Variants in METTL13 observed in about 807,000 individuals in gnomAD.
The protein encoded by METTL13 is methyltransferase 13, eEF1A N-terminus and K55, also known as eEF1A lysine and N-terminal methyltransferase.
A neutral mutation model predicts 67.4 loss-of-function variants in METTL13; 52 were observed. The ratio of observed to expected loss-of-function variants is 0.77; its 90% confidence interval spans 0.62 to 0.97. The LOEUF (loss-of-function observed/expected upper bound fraction) is 0.97, where lower values mean the gene tolerates loss of function less well. Among genes scored for constraint, METTL13 ranks in the 50% least tolerant of loss-of-function variants. The probability of loss-of-function intolerance (pLI) is 0.00; values close to 1 mark genes in which losing one functional copy is unlikely to be tolerated. For synonymous variants in METTL13, 354 were observed against 353.6 expected (o/e 1.00, Z -0.01); for missense variants, 825 against 889.6 (o/e 0.93, Z 0.92).
chr1:171,792,850 G>A (rs1011946973), intron 6 of METTL13, among the ~76,000 whole-genome samples: 1 of 152,156 alleles, frequency 6.6e-6, no homozygotes, highest in Non-Finnish European at 1.5e-5. Context: ...CAGTGCTCAG[G>A]TGGAGAAACC....
rs1418183689 is a variant in METTL13 at position 171,781,726 on chromosome 1, A to T, written c.-242A>T. 3 of 1,283,402 alleles carry T rather than the reference A, an allele frequency of 2.3e-6. No homozygotes were observed. Among genetic ancestry groups the T allele is most frequent in the Non-Finnish European group, 3.0e-6 (3 of 998,562 alleles). The allele number at this position is 1,283,402 out of a possible 1,614,324, so 79.5% of individuals were successfully genotyped here. ...AGTGTGAGGGGCTCTTCACGTGGGG[A>T]AGGAACAGCAGGCGCGGAGGAGGGG... On this transcript the variant is annotated 5_prime_UTR_variant, in exon 1 of 8. Coordinates refer to ENST00000361735, the MANE Select transcript of METTL13 (RefSeq NM_015935.5).
Position 171,783,964 on chromosome 1 carries a change from T to G in METTL13, c.378T>G (p.Ala126=). The G allele has an allele frequency of 6.2e-7, 1 of 1,614,262 alleles. No homozygotes were observed. Among genetic ancestry groups the G allele is most frequent in the Non-Finnish European group, 8.5e-7 (1 of 1,180,048 alleles). Residue 126 remains alanine (A), a synonymous_variant, in exon 2 of 8, where the codon GCT becomes GCG. Transcript: ENST00000361735. The stretch of plus-strand genomic sequence containing the variant: ...TGTTGGACAAGGGCACCCTGGATGC[T>G]GTCCTGACAGATGAGGAAGAGAAGA... ...QVVLDKGTLD[A]VLTDEEEKTL...
At chr1:171,794,636 T>G in intron 7 of METTL13, 109 bp downstream of exon 7, 2 of 1,469,718 alleles carry the variant, frequency 1.4e-6, no homozygotes, top group East Asian at 4.8e-5. Flanking sequence ...TTTTCCAAAT[T>G]TAATACACCC....
At chr1:171,785,820 T>C in intron 2 of METTL13, 59 bp from the exon 3 acceptor site, 1 of 1,566,650 alleles carries the variant, frequency 6.4e-7, no homozygotes, top group South Asian at 1.1e-5. Context: ...GTTTGGGCCA[T>C]ATTGGTTGTG....
chr1:171,796,141 A>G (rs978755560), intron 7 of METTL13, among the ~76,000 whole-genome samples: 4 of 152,222 alleles, frequency 2.6e-5, no homozygotes, highest in African/African-American at 9.6e-5. Flanking sequence ...TGATGGGATC[A>G]TAGACATGAG....
At chr1:171,788,373 T>C (rs1353520473) in intron 4 of METTL13, among the ~76,000 whole-genome samples, 1 of 152,240 alleles carries the variant, frequency 6.6e-6, no homozygotes, top group African/African-American at 2.4e-5. Context: ...CTGCCTGTGA[T>C]GAAGGAGATG....
intron 1 of METTL13, 92 bp from the exon 2 acceptor site, chr1:171,783,648 C>G: frequency 1.4e-6 from 2 of 1,450,884 alleles, no homozygotes; most frequent in Non-Finnish European, 9.3e-7. Context: ...GAAAATGTGA[C>G]TCAGCCAAGG....
intron 4 of METTL13, 26 bp downstream of exon 4, chr1:171,787,956 G>A (rs1188555729): frequency 1.9e-6 from 3 of 1,608,604 alleles, no homozygotes; most frequent in East Asian, 2.2e-5. Flanking sequence ...CACAGTGGTG[G>A]GACCCAAGTG....
intron 1 of METTL13, among the ~76,000 whole-genome samples, chr1:171,783,292 G>A (rs947150915): frequency 1.7e-4 from 26 of 152,130 alleles, no homozygotes; most frequent in African/African-American, 5.6e-4. Context: ...GATGGAATCC[G>A]TGATGGAAGT....
rs1220226295 is a variant in METTL13, at chr1:171,785,974, GC to G, written c.1012del (p.Leu338PhefsTer57). 1.2e-6 allele frequency: 2 copies of G among 1,613,728 alleles called. No individual in the cohort carries two copies. Among genetic ancestry groups the G allele is most frequent in the African/African-American group, 2.7e-5 (2 of 74,926 alleles). On this transcript the variant is annotated frameshift_variant, in exon 3 of 8. Transcript: ENST00000361735. LOFTEE classifies it high-confidence loss of function. ...TGGCTTCAGGAGGTTGATTACAGTG[GC>G]CCTTCACCGAGGTCAGCAGTATGAA... ...SAGFRRLITV[A>X]LHRGQQYESM...
chr1:171,788,234 T>G (rs145355842), intron 4 of METTL13, among the ~76,000 whole-genome samples: 2 of 152,352 alleles, frequency 1.3e-5, no homozygotes, highest in East Asian at 3.9e-4. Flanking sequence ...AATAGGCCTC[T>G]GTGAGGTGAG....
chr1:171,796,611 G>T lies in METTL13; in HGVS notation c.1955G>T (p.Cys652Phe). ...IEGEVNEILF[C>F]QLHPEQKLAT... ...GGTGAAGTGAATGAGATCCTGTTCTGTCAGCTGCACCCTGAGCAAAAACTT... is the reference window on the plus strand; with the variant it reads ...GGTGAAGTGAATGAGATCCTGTTCTTTCAGCTGCACCCTGAGCAAAAACTT... The change falls in exon 8 of 8, where the codon TGT becomes TTT. Residue 652 changes from cysteine (C) to phenylalanine (F), a missense_variant. Transcript: ENST00000361735. 6.2e-7 allele frequency: 1 copy of T among 1,614,176 alleles called. No individual in the cohort carries two copies. Among genetic ancestry groups the T allele is most frequent in the Non-Finnish European group, 8.5e-7 (1 of 1,180,040 alleles).
chr1:171,784,751 G>A (rs1656955346), intron 2 of METTL13, among the ~76,000 whole-genome samples: 1 of 152,216 alleles, frequency 6.6e-6, no homozygotes, highest in South Asian at 2.1e-4. Flanking sequence ...GCTTGATGAA[G>A]TGTGAGAATG....
intron 3 of METTL13, among the ~76,000 whole-genome samples, chr1:171,787,069 C>G (rs183395245): frequency 3.1e-4 from 47 of 152,132 alleles, no homozygotes; most frequent in Admixed American, 6.5e-4. Flanking sequence ...GGGTTGATGA[C>G]CCCTATTTCA....
intron 3 of METTL13, among the ~76,000 whole-genome samples, chr1:171,786,346 G>C (rs539933805): frequency 1.0e-3 from 157 of 152,268 alleles, no homozygotes; most frequent in African/African-American, 3.7e-3. Context: ...CTCATTGCGG[G>C]CTTCAGTTCT....
Position 171,794,489 on chromosome 1 carries a change from C to G in METTL13, c.1787C>G (p.Ser596Cys), listed in dbSNP as rs1484318829. 3.1e-6 allele frequency: 5 copies of G among 1,614,068 alleles called. No individual in the cohort carries two copies. Among genetic ancestry groups the G allele is most frequent in the Non-Finnish European group, 4.2e-6 (5 of 1,180,028 alleles). ...SCPPPAFVEQSFLQKVKSILT... is the reference protein window; with the variant it reads ...SCPPPAFVEQCFLQKVKSILT... ...CCGCCCCCAGCATTTGTGGAGCAAT[C>G]TTTTCTACAGAAGGTTAAAAGCATC... Residue 596 changes from serine to cysteine, a missense_variant, in exon 7 of 8, where the codon TCT becomes TGT. Coordinates refer to ENST00000361735, the MANE Select transcript of METTL13 (RefSeq NM_015935.5).
chr1:171,781,712 C>G lies in METTL13; in HGVS notation c.-256C>G, dbSNP rs1385080951. ...TCTAGTTCGGGAAAAGTGTGAGGGGCTCTTCACGTGGGGAAGGAACAGCAG... is the reference window on the plus strand; with the variant it reads ...TCTAGTTCGGGAAAAGTGTGAGGGGGTCTTCACGTGGGGAAGGAACAGCAG... On this transcript the variant is annotated 5_prime_UTR_variant, in exon 1 of 8. Coordinates refer to ENST00000361735, the MANE Select transcript of METTL13 (RefSeq NM_015935.5). 3.3e-6 allele frequency: 4 copies of G among 1,202,572 alleles called. No individual in the cohort carries two copies. Among genetic ancestry groups the G allele is most frequent in the Middle Eastern group, 2.2e-4 (1 of 4,534 alleles). The allele number at this position is 1,202,572 out of a possible 1,614,324, so 74.5% of individuals were successfully genotyped here. A position where few individuals can be genotyped will look rare whatever the true frequency, so the allele number is the denominator to read the frequency against.
chr1:171,788,041 C>A, intron 4 of METTL13, 111 bp downstream of exon 4: 2 of 998,800 alleles, frequency 2.0e-6, no homozygotes, highest in Non-Finnish European at 3.0e-6. Flanking sequence ...AGGTTCTTAA[C>A]CATCTGGACT....
At position 171,786,046 on chromosome 1, in the gene METTL13, C is replaced by G. The variant is rs1465300285; in HGVS notation, c.1081C>G (p.Leu361Val). The change falls in exon 3 of 8, where the codon CTG (leucine) becomes GTG (valine). Residue 361 changes from leucine (L) to valine (V), a missense_variant. Physicochemically the swap from Leu to Val is conservative, Grantham distance 32. Transcript: ENST00000361735. ...QAELSARVME[L>V]APAGMPTQQQ... ...TGAGCTGTCGGCTAGAGTCATGGAG[C>G]TGGCCCCAGCTGGGATGCCCACCCA... 2 of 1,613,552 alleles carry G rather than the reference C, an allele frequency of 1.2e-6. No individual in the cohort carries two copies. The highest frequency in any genetic ancestry group is 1.7e-6 in the Non-Finnish European group (2 of 1,179,826).
Sources: gnomAD v4.1 joint callset for allele counts (sites outside exome capture counted in the v4.1 genomes callset) on GRCh38, gnomAD v4.1.1 for gene constraint, MANE v1.5 for transcripts, NCBI Gene and HGNC (gene_info 2026-07-23, HGNC 2026-07-21) for gene names.